Variants in DCUN1D5 observed in about 807,000 individuals in gnomAD.
DCUN1D5 encodes defective in cullin neddylation 1 domain containing 5.
Under a neutral mutation model 38.3 loss-of-function variants are expected in DCUN1D5, and 10 were observed. The observed-to-expected ratio is 0.26, with a 90% confidence interval of 0.16 to 0.44. The LOEUF (loss-of-function observed/expected upper bound fraction) is 0.44. Ranked by LOEUF, DCUN1D5 falls within the 20% of genes least tolerant of loss-of-function variation. The pLI, the probability that DCUN1D5 is intolerant of heterozygous loss-of-function variation, is 1.00. For missense variants in DCUN1D5, 148 were observed against 275.3 expected (o/e 0.54, Z 3.27); for synonymous variants, 93 against 90.9 (o/e 1.02, Z -0.13).
rs145816323 is a variant in DCUN1D5 at position 103,090,713 on chromosome 11, C to T, written c.86+1074G>A. On this transcript the variant is annotated intron_variant, in intron 1 of 7. Transcript: ENST00000260247. ...GGATCGCGAGGTCAGGAGTTCAAGA[C>T]CAGCCTAGTCAACATAGTGAAACCC... 3.9e-4 allele frequency among the ~76,000 whole-genome samples: 59 copies of T among 152,290 alleles called. 1 individual carries two copies. Among genetic ancestry groups the T allele is most frequent in the African/African-American group, 1.4e-3 (59 of 41,552 alleles).
chr11:103,055,919 G>T lies in DCUN1D5; in HGVS notation c.*6440C>A, dbSNP rs571935943. On this transcript the variant is annotated 3_prime_UTR_variant, in exon 8 of 8. Coordinates refer to ENST00000260247, the MANE Select transcript of DCUN1D5 (RefSeq NM_032299.4). The stretch of plus-strand genomic sequence containing the variant: ...CCAAAAGTAAACTCTCAATCTACCC[G>T]CTTAAGCCTGCTCCTCTGAGTCTTC... 1 of 152,052 alleles carries T rather than the reference G, an allele frequency of 6.6e-6. No homozygotes were observed. The highest frequency in any genetic ancestry group is 2.4e-5 in the African/African-American group (1 of 41,392). The allele number at this position is 152,052 out of a possible 1,614,324, so 9.4% of individuals were successfully genotyped here. A position where few individuals can be genotyped will look rare whatever the true frequency, so the allele number is the denominator to read the frequency against.
intron 4 of DCUN1D5, among the ~76,000 whole-genome samples, chr11:103,067,673 T>C (rs1862166996): frequency 6.6e-6 from 1 of 152,226 alleles, no homozygotes; most frequent in Non-Finnish European, 1.5e-5. Context: ...AGTAACATAA[T>C]TTCATTAATG....
At chr11:103,088,137 C>G (rs1483615571) in intron 2 of DCUN1D5, among the ~76,000 whole-genome samples, 1 of 152,094 alleles carries the variant, frequency 6.6e-6, no homozygotes, top group Non-Finnish European at 1.5e-5. Flanking sequence ...TACTGCCCCC[C>G]TTTCAAAATA....
Position 103,062,482 on chromosome 11 carries a change from C to T in DCUN1D5, c.659-68G>A. On this transcript the variant is annotated intron_variant, in intron 7 of 7. Coordinates refer to ENST00000260247, the MANE Select transcript of DCUN1D5 (RefSeq NM_032299.4). This position sits in a 1 kb window ranked among gnomAD's most constrained non-coding sequence, Gnocchi z 4.6. Reference sequence around the variant, plus strand: ...ATCTCTCCAATTATAAAACAAACTCCCCACGAGCTCTGCAATGACAGAGGA... The same window carrying T: ...ATCTCTCCAATTATAAAACAAACTCTCCACGAGCTCTGCAATGACAGAGGA... 7.3e-7 allele frequency: 1 copy of T among 1,363,254 alleles called. No homozygotes were observed. Among genetic ancestry groups the T allele is most frequent in the Non-Finnish European group, 1.0e-6 (1 of 963,020 alleles). The allele number at this position is 1,363,254 out of a possible 1,614,324, so 84.4% of individuals were successfully genotyped here.
In DCUN1D5 at chr11:103,057,587, G is replaced by A. The variant is rs986893523; in HGVS notation, c.*4772C>T. Among the ~76,000 whole-genome samples the A allele has an allele frequency of 2.6e-5, 4 of 151,870 alleles. No homozygotes were observed. The highest frequency in any genetic ancestry group is 2.9e-5 in the Non-Finnish European group (2 of 67,972). On this transcript the variant is annotated 3_prime_UTR_variant, in exon 8 of 8. Transcript: ENST00000260247. This position sits in a 1 kb window ranked among gnomAD's most constrained non-coding sequence, Gnocchi z 4.8. Reference sequence around the variant, plus strand: ...ATACAAAACTTAGCTGGGCATGGTGGCAGGCATCTGTAATCCCAGCTACTT... The same window carrying A: ...ATACAAAACTTAGCTGGGCATGGTGACAGGCATCTGTAATCCCAGCTACTT...
At position 103,058,416 on chromosome 11, in the gene DCUN1D5, A is replaced by T. The variant is rs572980797; in HGVS notation, c.*3943T>A. ...ACATAAATAAATTGTGCTTTAAAAG[A>T]TCTAAAGATTTGTTCCAGTGAAGTA... On this transcript the variant is annotated 3_prime_UTR_variant, in exon 8 of 8. Transcript: ENST00000260247. Among the ~76,000 whole-genome samples, 4 of 152,330 alleles carry T rather than the reference A, an allele frequency of 2.6e-5. No homozygotes were observed. In the South Asian group the frequency reaches 6.2e-4, roughly 24 times the overall value.
At position 103,088,430 on chromosome 11, in the gene DCUN1D5, A is replaced by G. The variant is rs547360218; in HGVS notation, c.178+797T>C. On this transcript the variant is annotated intron_variant, in intron 2 of 7. Transcript: ENST00000260247. Reference sequence around the variant, plus strand: ...ATTCCATATATATTTATGAGATAGTATAAGTGTTCTTTTGCATATATTTGC... The same window carrying G: ...ATTCCATATATATTTATGAGATAGTGTAAGTGTTCTTTTGCATATATTTGC... Among the ~76,000 whole-genome samples, 9 of 152,250 alleles carry G rather than the reference A, an allele frequency of 5.9e-5. No individual in the cohort carries two copies. In the East Asian group the frequency reaches 9.6e-4, roughly 16 times the overall value.
In DCUN1D5 at chr11:103,062,285, T is replaced by C. The variant is rs781703237; in HGVS notation, c.*74A>G. 3 of 1,431,590 alleles carry C rather than the reference T, an allele frequency of 2.1e-6. No homozygotes were observed. The highest frequency in any genetic ancestry group is 2.3e-5 in the East Asian group (1 of 43,742). 88.7% of individuals were successfully genotyped at this position (1,431,590 alleles called of 1,614,324 possible). A position where few individuals can be genotyped will look rare whatever the true frequency, so the allele number is the denominator to read the frequency against. On this transcript the variant is annotated 3_prime_UTR_variant, in exon 8 of 8. Transcript: ENST00000260247. This position sits in a 1 kb window ranked among gnomAD's most constrained non-coding sequence, Gnocchi z 4.6. ...TGAATGAAAATGCACCCGTTGGATTTTTTTCCCCCTCATCACATTAGCTTG... is the reference window on the plus strand; with the variant it reads ...TGAATGAAAATGCACCCGTTGGATTCTTTTCCCCCTCATCACATTAGCTTG...
rs116172628 is a variant in DCUN1D5, at chr11:103,061,467, C to T, written c.*892G>A. ...AATTAGCAAGCTGCAATACTACCAACGTAAATGGCTCTATTGAGTTGTGCA... is the reference window on the plus strand; with the variant it reads ...AATTAGCAAGCTGCAATACTACCAATGTAAATGGCTCTATTGAGTTGTGCA... On this transcript the variant is annotated 3_prime_UTR_variant, in exon 8 of 8. Coordinates refer to ENST00000260247, the MANE Select transcript of DCUN1D5 (RefSeq NM_032299.4). Among the ~76,000 whole-genome samples the T allele has an allele frequency of 0.017, 2,563 of 152,016 alleles. 65 individuals carry two copies. Among genetic ancestry groups the T allele is most frequent in the African/African-American group, 0.057 (2,381 of 41,458 alleles).
chr11:103,074,457 G>A (rs1442964038), intron 4 of DCUN1D5, among the ~76,000 whole-genome samples: 1 of 152,108 alleles, frequency 6.6e-6, no homozygotes, highest in Non-Finnish European at 1.5e-5. Flanking sequence ...TCCCCAGGCT[G>A]GAGTGCAGTG....
chr11:103,088,022 A>T (rs1862757991), intron 2 of DCUN1D5, among the ~76,000 whole-genome samples: 1 of 152,188 alleles, frequency 6.6e-6, no homozygotes, highest in Non-Finnish European at 1.5e-5. Flanking sequence ...TTGTCTTGGG[A>T]TGCCAGTAAT....
intron 4 of DCUN1D5, among the ~76,000 whole-genome samples, chr11:103,072,248 G>T (rs2134614077): frequency 6.6e-6 from 1 of 151,694 alleles, no homozygotes; most frequent in Admixed American, 6.6e-5. Flanking sequence ...AGGATGTGGA[G>T]AAATAGGAAT....
chr11:103,068,438 A>G lies in DCUN1D5; in HGVS notation c.342-1871T>C, dbSNP rs965992556. Among the ~76,000 whole-genome samples the G allele has an allele frequency of 7.9e-5, 12 of 152,208 alleles. 1 individual carries two copies. The highest frequency in any genetic ancestry group is 2.0e-4 in the Admixed American group (3 of 15,284). On this transcript the variant is annotated intron_variant, in intron 4 of 7. Transcript: ENST00000260247. ...CATGGAATCAACCTAAATGCCCACC[A>G]GTGATGGACTGGACAAAGAAAATAC...
chr11:103,074,490 C>T (rs917843268), intron 4 of DCUN1D5, among the ~76,000 whole-genome samples: 2 of 152,178 alleles, frequency 1.3e-5, no homozygotes, highest in Non-Finnish European at 2.9e-5. Flanking sequence ...GTCACAACCT[C>T]CACCTCCCCG....
In DCUN1D5 at chr11:103,056,721, G is replaced by A. The variant is rs1395803964; in HGVS notation, c.*5638C>T. 6.6e-6 allele frequency among the ~76,000 whole-genome samples: 1 copy of A among 152,180 alleles called. No homozygotes were observed. The highest frequency in any genetic ancestry group is 1.5e-5 in the Non-Finnish European group (1 of 68,024). On this transcript the variant is annotated 3_prime_UTR_variant, in exon 8 of 8. Coordinates refer to ENST00000260247, the MANE Select transcript of DCUN1D5 (RefSeq NM_032299.4). This position sits in a 1 kb window ranked among gnomAD's most constrained non-coding sequence, Gnocchi z 4.9. Reference sequence around the variant, plus strand: ...TGAGATTTGTTAAATTAATGATTTAGTCTAAGGAGAATATTAATAATTTTG... The same window carrying A: ...TGAGATTTGTTAAATTAATGATTTAATCTAAGGAGAATATTAATAATTTTG...
rs971018157 is a variant in DCUN1D5 at position 103,087,553 on chromosome 11, G to A, written c.178+1674C>T. ...TATTCCCACCTACTAGAAAGGCTGAGGTGGGAGGATGGCCTGAGCCCAGGA... is the reference window on the plus strand; with the variant it reads ...TATTCCCACCTACTAGAAAGGCTGAAGTGGGAGGATGGCCTGAGCCCAGGA... On this transcript the variant is annotated intron_variant, in intron 2 of 7. Coordinates refer to ENST00000260247, the MANE Select transcript of DCUN1D5 (RefSeq NM_032299.4). The surrounding 1 kb of genome is among the most constrained non-coding windows in gnomAD (Gnocchi z 4.1). Among the ~76,000 whole-genome samples, 2 of 152,196 alleles carry A rather than the reference G, an allele frequency of 1.3e-5. No individual in the cohort carries two copies. Among genetic ancestry groups the A allele is most frequent in the African/African-American group, 4.8e-5 (2 of 41,456 alleles).
At position 103,091,519 on chromosome 11, in the gene DCUN1D5, T is replaced by C. The variant is rs1812428004; in HGVS notation, c.86+268A>G. The C allele has an allele frequency of 1.1e-5, 5 of 447,228 alleles. No homozygotes were observed. Among genetic ancestry groups the C allele is most frequent in the Middle Eastern group, 6.5e-4 (1 of 1,546 alleles). The allele number at this position is 447,228 out of a possible 1,614,324, so 27.7% of individuals were successfully genotyped here. ...GGTGGGGGGAAGCGCAATTTACATA[T>C]GCATCTGTTCCCCACCCTGCAGGGC... On this transcript the variant is annotated intron_variant, in intron 1 of 7. Transcript: ENST00000260247. The surrounding 1 kb of genome is among the most constrained non-coding windows in gnomAD (Gnocchi z 4.3).
intron 4 of DCUN1D5, chr11:103,079,946 T>C (rs1565291076): frequency 6.6e-6 from 1 of 152,230 alleles, no homozygotes; most frequent in Non-Finnish European, 1.5e-5. Flanking sequence ...CCAGTTCATA[T>C]ACCCACAAAT....
intron 4 of DCUN1D5, among the ~76,000 whole-genome samples, chr11:103,069,826 T>C (rs1385403276): frequency 2.0e-5 from 3 of 152,204 alleles, no homozygotes; most frequent in African/African-American, 7.2e-5. Context: ...CCCTGATTTC[T>C]CTTGCCAGAA....
Sources: allele counts gnomAD v4.1 joint callset (sites outside exome capture counted in the v4.1 genomes callset), GRCh38; gene constraint gnomAD v4.1.1; non-coding constraint Gnocchi (gnomAD v3.1); transcripts MANE v1.5; gene names NCBI Gene and HGNC (gene_info 2026-07-23, HGNC 2026-07-21).